Variants in MGAT1 observed in about 807,000 individuals in gnomAD.
The protein encoded by MGAT1 is alpha-1,3-mannosyl-glycoprotein 2-beta-N-acetylglucosaminyltransferase.
MGAT1 carries 14 observed loss-of-function variants against 31.7 expected under a neutral mutation model. The ratio of observed to expected loss-of-function variants is 0.44; its 90% CI spans 0.29 to 0.69. MGAT1 has a LOEUF of 0.69. Ranked by LOEUF, MGAT1 falls within the 30% of genes least tolerant of loss-of-function variation. The pLI is 0.12. For missense variants in MGAT1, 557 were observed against 626.0 expected (o/e 0.89, Z 1.18); for synonymous variants, 338 against 276.0 (o/e 1.22, Z -2.23).
At chr5:180,807,250 A>G (rs1037226909), upstream of MGAT1, among the ~76,000 whole-genome samples, 1 of 152,106 alleles carries the variant, frequency 6.6e-6, no homozygotes, top group Admixed American at 6.5e-5. Flanking sequence ...AGGCAGAGAC[A>G]TGCCAGAAGC....
At chr5:180,793,141 T>C (rs1019149886) in intron 1 of MGAT1, 44 bp from the exon 2 acceptor site, 1 of 793,848 alleles carries the variant, frequency 1.3e-6, no homozygotes, top group Non-Finnish European at 1.9e-6. Flanking sequence ...CAAAGGCTCG[T>C]GGCTCCATGC....
rs1581775579 is a variant in MGAT1 at position 180,787,219 on chromosome 5, A to G, written c.*4415T>C. 2 of 152,274 alleles carry G rather than the reference A, an allele frequency of 1.3e-5. No homozygotes were observed. Among genetic ancestry groups the G allele is most frequent in the African/African-American group, 4.8e-5 (2 of 41,448 alleles). The allele number at this position is 152,274 out of a possible 1,614,324, so 9.4% of individuals were successfully genotyped here. A position where few individuals can be genotyped will look rare whatever the true frequency, so the allele number is the denominator to read the frequency against. On this transcript the variant is annotated 3_prime_UTR_variant, in exon 2 of 2. Transcript: ENST00000307826. ...CCCAGAGCAGGGCCGGCCCAGGCCC[A>G]CCGCACTCTATGACATCGGCCACCA...
intron 1 of MGAT1, chr5:180,810,754 C>G (rs1464723164): frequency 1.3e-5 from 2 of 152,292 alleles, no homozygotes; most frequent in East Asian, 3.8e-4. Flanking sequence ...CCCGCTTCCT[C>G]GGACGCGAGC....
intron 1 of MGAT1, among the ~76,000 whole-genome samples, chr5:180,811,590 T>G (rs1015242111): frequency 6.7e-6 from 1 of 149,958 alleles, no homozygotes; most frequent in African/African-American, 2.5e-5. Flanking sequence ...TCAATCTGTG[T>G]CTAGGATGCA....
At chr5:180,812,413 C>A (rs190680627) in intron 1 of MGAT1, among the ~76,000 whole-genome samples, 1 of 152,164 alleles carries the variant, frequency 6.6e-6, no homozygotes, top group East Asian at 1.9e-4. Flanking sequence ...CTTAAGTGAC[C>A]TTCGATTTTT....
rs1768270755 is a variant in MGAT1 at position 180,792,133 on chromosome 5, T to C, written c.839A>G (p.Glu280Gly). 6.2e-7 allele frequency: 1 copy of C among 1,613,132 alleles called. No individual in the cohort carries two copies. Reference protein sequence around the residue: ...LLLAELWAELEPKWPKAFWDD... With the variant: ...LLLAELWAELGPKWPKAFWDD... Reference sequence around the variant, plus strand: ...CCAGAAGGCCTTTGGCCACTTGGGCTCCAGCTCAGCCCAGAGCTCGGCCAA... The same window carrying C: ...CCAGAAGGCCTTTGGCCACTTGGGCCCCAGCTCAGCCCAGAGCTCGGCCAA... Residue 280 changes from glutamate to glycine, a missense_variant, in exon 2 of 2, where the codon GAG becomes GGG. This residue lies in a region of MGAT1 where 245 missense variants were observed against 332.9 expected (regional missense o/e 0.74). Coordinates refer to ENST00000307826, the MANE Select transcript of MGAT1 (RefSeq NM_002406.4).
At chr5:180,796,972 C>T (rs1769531431) in intron 1 of MGAT1, among the ~76,000 whole-genome samples, 1 of 152,202 alleles carries the variant, frequency 6.6e-6, no homozygotes, top group South Asian at 2.1e-4. Flanking sequence ...ACTTTCCCTC[C>T]AATCTAATGG....
chr5:180,792,825 G>A lies in MGAT1; in HGVS notation c.147C>T (p.Ser49=). ...SVSALDGDPA[S]LTREVIRLAQ... is the part of the protein sequence containing the mutation. ...CCAGGCGAATCACTTCCCGGGTGAG[G>A]CTGGCGGGGTCGCCATCGAGAGCGC... The change falls in exon 2 of 2, where the codon AGC becomes AGT. Residue 49 remains serine (S), a synonymous_variant. Transcript: ENST00000307826. 6.4e-7 allele frequency: 1 copy of A among 1,559,790 alleles called. No individual in the cohort carries two copies. Among genetic ancestry groups the A allele is most frequent in the Non-Finnish European group, 8.7e-7 (1 of 1,152,844 alleles).
upstream of MGAT1, among the ~76,000 whole-genome samples, chr5:180,807,527 T>A (rs1447205134): frequency 2.0e-5 from 3 of 152,124 alleles, no homozygotes; most frequent in Non-Finnish European, 4.4e-5. Flanking sequence ...GCGGGAGAGA[T>A]AACTAGCATA....
intron 1 of MGAT1, chr5:180,809,824 C>CCA (rs111779744): frequency 0.16 from 23,304 of 146,878 alleles, 2,158 homozygotes; most frequent in South Asian, 0.36. Flanking sequence ...ACACATCCAT[C>CCA]CACACACACT....
chr5:180,794,587 T>A (rs1303765198), intron 1 of MGAT1, among the ~76,000 whole-genome samples: 1 of 152,200 alleles, frequency 6.6e-6, no homozygotes, highest in Non-Finnish European at 1.5e-5. Flanking sequence ...AAGGCAAAGA[T>A]GGTCTTATTA....
intron 1 of MGAT1, chr5:180,795,428 A>C (rs1450017704): frequency 6.6e-6 from 1 of 152,228 alleles, no homozygotes; most frequent in Non-Finnish European, 1.5e-5. Flanking sequence ...TTATTGGGTA[A>C]AATGACAAAG....
chr5:180,795,131 C>A (rs10903270), intron 1 of MGAT1, among the ~76,000 whole-genome samples: 3 of 151,998 alleles, frequency 2.0e-5, no homozygotes, highest in African/African-American at 7.2e-5. Context: ...AAAATAGAAA[C>A]TAATCTATAT....
At chr5:180,799,539 T>C (rs1770257092) in intron 1 of MGAT1, among the ~76,000 whole-genome samples, 1 of 152,064 alleles carries the variant, frequency 6.6e-6, no homozygotes, top group Non-Finnish European at 1.5e-5. Context: ...CCTTCCTCCT[T>C]AGGAAAAAAG....
chr5:180,801,411 C>G (rs903450907), intron 1 of MGAT1, among the ~76,000 whole-genome samples: 1 of 152,166 alleles, frequency 6.6e-6, no homozygotes, highest in African/African-American at 2.4e-5. Context: ...TAATGGAACT[C>G]TAACTGAACT....
intron 1 of MGAT1, among the ~76,000 whole-genome samples, chr5:180,802,361 A>C (rs1770986974): frequency 6.6e-6 from 1 of 151,510 alleles, no homozygotes; most frequent in Admixed American, 6.6e-5. Flanking sequence ...CCCCAATCCC[A>C]CCCCCTCCCT....
chr5:180,797,817 G>GTTGCCATAAGAGGACATC (rs1769809658), intron 1 of MGAT1, among the ~76,000 whole-genome samples: 1 of 152,248 alleles, frequency 6.6e-6, no homozygotes, highest in African/African-American at 2.4e-5. Flanking sequence ...AAGAGGACAT[G>GTTGCCATAAGAGGACATC]ACACCCCTAG....
At chr5:180,798,860 A>T (rs951894201) in intron 1 of MGAT1, among the ~76,000 whole-genome samples, 2 of 152,232 alleles carry the variant, frequency 1.3e-5, no homozygotes, top group Admixed American at 1.3e-4. Context: ...AATCCAAAAA[A>T]TTCTCAATTC....
chr5:180,796,337 T>C (rs1769367018), intron 1 of MGAT1, among the ~76,000 whole-genome samples: 2 of 152,112 alleles, frequency 1.3e-5, no homozygotes, highest in Admixed American at 6.5e-5. Context: ...CGCCAGGACA[T>C]CAGTCTTCTC....
Sources: gnomAD v4.1 joint callset for allele counts (sites outside exome capture counted in the v4.1 genomes callset) on GRCh38, gnomAD v4.1.1 for gene constraint, gnomAD v4.1.1 regional missense constraint, MANE v1.5 for transcripts, NCBI Gene and HGNC (gene_info 2026-07-23, HGNC 2026-07-21) for gene names.